TBC1D19: variants seen among roughly 807,000 people sequenced by gnomAD.
TBC1D19 encodes the protein TBC1 domain family member 19.
A neutral mutation model predicts 89.0 loss-of-function variants in TBC1D19; 60 were observed. That is an observed-to-expected ratio of 0.67 (90% CI 0.55 to 0.84). The LOEUF (loss-of-function observed/expected upper bound fraction) is 0.84. TBC1D19 is among the 40% of genes least tolerant of loss of function. The probability of loss-of-function intolerance (pLI) is 0.00; values close to 1 mark genes in which losing one functional copy is unlikely to be tolerated. For synonymous variants in TBC1D19, 189 were observed against 199.7 expected (o/e 0.95, Z 0.45); for missense variants, 500 against 610.8 (o/e 0.82, Z 1.91).
intron 15 of TBC1D19, among the ~76,000 whole-genome samples, chr4:26,722,693 A>G (rs116017365): frequency 1.7e-4 from 26 of 152,324 alleles, no homozygotes; most frequent in East Asian, 3.9e-4. Flanking sequence ...AAATCTCGCT[A>G]TAGTAATAAT....
At chr4:26,648,217 C>T (rs1168508067) in intron 7 of TBC1D19, among the ~76,000 whole-genome samples, 1 of 152,118 alleles carries the variant, frequency 6.6e-6, no homozygotes, top group East Asian at 1.9e-4. Context: ...CAGTTATAAA[C>T]CATCAAGATA....
At chr4:26,728,829 T>C (rs1717478660) in intron 15 of TBC1D19, among the ~76,000 whole-genome samples, 1 of 151,626 alleles carries the variant, frequency 6.6e-6, no homozygotes, top group African/African-American at 2.4e-5. Flanking sequence ...CTGGCTAATA[T>C]GGTGAAACCC....
Position 26,659,693 on chromosome 4 carries a change from G to C in TBC1D19, c.577G>C (p.Asp193His). Residue 193 changes from aspartate (D) to histidine (H), a missense_variant, in exon 8 of 21, where the codon GAC (aspartate) becomes CAC (histidine). By Grantham distance (81) the Asp-to-His change is moderately conservative. Around this residue, in one of 2 missense-constraint regions of TBC1D19, gnomAD observed 280 missense variants for 291.7 expected, o/e 0.96. Transcript: ENST00000264866. ...AATTCAAGTTCCACTGAAAGTAAAA[G>C]ACATCCCTGAATTGGTAAGTATAGA... The part of the protein sequence containing the change: ...GLIQVPLKVK[D>H]IPELKECFVE... 1 of 1,577,760 alleles carries C rather than the reference G, an allele frequency of 6.3e-7. No homozygotes were observed. Among genetic ancestry groups the C allele is most frequent in the Non-Finnish European group, 8.7e-7 (1 of 1,154,396 alleles).
At chr4:26,684,635 A>C (rs1224675630) in intron 12 of TBC1D19, among the ~76,000 whole-genome samples, 1 of 152,230 alleles carries the variant, frequency 6.6e-6, no homozygotes, top group African/African-American at 2.4e-5. Flanking sequence ...TAGGATATGA[A>C]TAATTCTGAA....
intron 1 of TBC1D19, among the ~76,000 whole-genome samples, chr4:26,594,979 GC>G (rs1740113854): frequency 6.6e-6 from 1 of 152,228 alleles, no homozygotes; most frequent in South Asian, 2.1e-4. Context: ...TTGATAGATT[GC>G]GTGGTAAGAG....
At chr4:26,655,801 C>T (rs556715283) in intron 7 of TBC1D19, among the ~76,000 whole-genome samples, 14 of 152,310 alleles carry the variant, frequency 9.2e-5, no homozygotes, top group South Asian at 4.1e-4. Flanking sequence ...AAGGGAATTC[C>T]CTGACCCCTT....
At chr4:26,650,309 A>C (rs1364819734) in intron 7 of TBC1D19, among the ~76,000 whole-genome samples, 2 of 152,100 alleles carry the variant, frequency 1.3e-5, no homozygotes, top group Non-Finnish European at 2.9e-5. Flanking sequence ...CAATGGTTGA[A>C]CTAGTTTACA....
At chr4:26,613,432 T>A (rs1741498460) in intron 2 of TBC1D19, among the ~76,000 whole-genome samples, 191 bp downstream of exon 2, 1 of 152,070 alleles carries the variant, frequency 6.6e-6, no homozygotes, top group Non-Finnish European at 1.5e-5. Context: ...AAAAGAGAGA[T>A]GAGGAAAGGG....
rs531872260 is a variant in TBC1D19 at position 26,603,342 on chromosome 4, G to A, written c.100-9827G>A. Among the ~76,000 whole-genome samples the A allele has an allele frequency of 4.6e-5, 7 of 152,202 alleles. No homozygotes were observed. In the South Asian group the frequency reaches 1.5e-3, roughly 32 times the overall value. ...TCAGTGTATAATGTTACAAAATTAT[G>A]TATGATACGTAAAAAATTAAGTCAC... On this transcript the variant is annotated intron_variant, in intron 1 of 20. Coordinates refer to ENST00000264866, the MANE Select transcript of TBC1D19 (RefSeq NM_018317.4).
chr4:26,676,122 T>C (rs1327304223), intron 11 of TBC1D19, among the ~76,000 whole-genome samples: 1 of 152,232 alleles, frequency 6.6e-6, no homozygotes, highest in Non-Finnish European at 1.5e-5. Flanking sequence ...CCAAGACTAA[T>C]ATTAACATTT....
At chr4:26,855,824 A>T in the TBC1D19 span, among the ~76,000 whole-genome samples, 48 of 152,332 alleles carry the variant, frequency 3.2e-4, no homozygotes, top group East Asian at 7.1e-3. Context: ...CCTGCCTCAT[A>T]ATTCACAGAC....
At chr4:26,628,611 C>T (rs932090712) in intron 4 of TBC1D19, among the ~76,000 whole-genome samples, 1 of 152,046 alleles carries the variant, frequency 6.6e-6, no homozygotes, top group Non-Finnish European at 1.5e-5. Flanking sequence ...TAGAAAACCC[C>T]ACTGTCTCAG....
At chr4:26,667,524 T>C (rs1410151097) in intron 9 of TBC1D19, among the ~76,000 whole-genome samples, 1 of 152,078 alleles carries the variant, frequency 6.6e-6, no homozygotes, top group Non-Finnish European at 1.5e-5. Flanking sequence ...TTGTTATATG[T>C]GTTTATAGAT....
At chr4:26,609,445 A>G (rs912898487) in intron 1 of TBC1D19, among the ~76,000 whole-genome samples, 2 of 152,118 alleles carry the variant, frequency 1.3e-5, no homozygotes, top group Non-Finnish European at 2.9e-5. Context: ...AAAGGAGGTG[A>G]TATTTGAAGG....
At chr4:26,807,900 T>C in the TBC1D19 span, among the ~76,000 whole-genome samples, 2 of 152,222 alleles carry the variant, frequency 1.3e-5, no homozygotes, top group Middle Eastern at 3.2e-3. Context: ...ATGACTATTA[T>C]GGGTAAGGAG....
chr4:26,664,381 G>A (rs1488198460), intron 8 of TBC1D19, among the ~76,000 whole-genome samples: 1 of 152,134 alleles, frequency 6.6e-6, no homozygotes, highest in Non-Finnish European at 1.5e-5. Flanking sequence ...TTCTGTTCAT[G>A]CTTTTTAACA....
chr4:26,783,932 T>C, the TBC1D19 span, among the ~76,000 whole-genome samples: 1 of 152,252 alleles, frequency 6.6e-6, no homozygotes, highest in East Asian at 1.9e-4. Flanking sequence ...TTCAAAACAT[T>C]GGGAATGGTC....
chr4:26,672,086 G>T, intron 9 of TBC1D19, 63 bp from the exon 10 acceptor site: 2 of 780,788 alleles, frequency 2.6e-6, no homozygotes, highest in Non-Finnish European at 3.7e-6. Context: ...TGTATCTAAT[G>T]TTGTTCTAAA....
At chr4:26,601,377 A>G (rs1740594724) in intron 1 of TBC1D19, among the ~76,000 whole-genome samples, 1 of 152,150 alleles carries the variant, frequency 6.6e-6, no homozygotes, top group African/African-American at 2.4e-5. Flanking sequence ...CTTCCTTTTT[A>G]AGGGCTGAAT....
Sources: gnomAD v4.1 joint callset for allele counts (sites outside exome capture counted in the v4.1 genomes callset) on GRCh38, gnomAD v4.1.1 for gene constraint, gnomAD v4.1.1 regional missense constraint, MANE v1.5 for transcripts, NCBI Gene and HGNC (gene_info 2026-07-23, HGNC 2026-07-21) for gene names.